The following FUT9 variants were observed in gnomAD, a reference collection of about 807,000 sequenced individuals.
FUT9 encodes the protein fucosyltransferase 9, also known as 4-galactosyl-N-acetylglucosaminide 3-alpha-L-fucosyltransferase 9.
FUT9 carries 15 observed loss-of-function variants against 29.7 expected under a neutral mutation model. That is an observed-to-expected ratio of 0.51 (90% CI 0.34 to 0.78). FUT9 has a LOEUF of 0.78. Among genes scored for constraint, FUT9 ranks in the 30% least tolerant of loss-of-function variants. The pLI is 0.01. For synonymous variants in FUT9, 169 were observed against 153.7 expected (o/e 1.10, Z -0.74); for missense variants, 319 against 425.4 (o/e 0.75, Z 2.20).
intron 1 of FUT9, among the ~76,000 whole-genome samples, chr6:96,021,987 A>AT (rs1176784276): frequency 6.6e-6 from 1 of 152,054 alleles, no homozygotes; most frequent in Non-Finnish European, 1.5e-5. Flanking sequence ...AGAGGGAAAA[A>AT]TATACCTCCT....
At chr6:96,052,303 ACATTTGAG>A (rs1257733180) in intron 1 of FUT9, among the ~76,000 whole-genome samples, 6 of 142,822 alleles carry the variant, frequency 4.2e-5, no homozygotes, top group African/African-American at 1.8e-4. Context: ...ATTCCAGGTG[ACATTTGAG>A]TGGTGACACA....
At chr6:96,104,435 C>T (rs948533489) in intron 1 of FUT9, among the ~76,000 whole-genome samples, 3 of 152,186 alleles carry the variant, frequency 2.0e-5, no homozygotes, top group Non-Finnish European at 4.4e-5. Flanking sequence ...ATTTGCCATA[C>T]ATGGTCCATA....
At chr6:96,138,410 T>A (rs1772400051) in intron 2 of FUT9, among the ~76,000 whole-genome samples, 1 of 152,032 alleles carries the variant, frequency 6.6e-6, no homozygotes, top group Non-Finnish European at 1.5e-5. Flanking sequence ...AAAGAAAAAT[T>A]ATGGCTTTCC....
At chr6:96,133,358 A>G (rs968463248) in intron 2 of FUT9, among the ~76,000 whole-genome samples, 3 of 151,980 alleles carry the variant, frequency 2.0e-5, no homozygotes, top group African/African-American at 7.2e-5. Flanking sequence ...AGCTAGGAGT[A>G]GAATACAGGG....
At position 96,079,585 on chromosome 6, in the gene FUT9, T is replaced by C. The variant is rs115739956; in HGVS notation, c.-97-34454T>C. The stretch of plus-strand genomic sequence containing the variant: ...TATCATTTTTAATGGAATATTGTTT[T>C]ATTAGTCTTCTCGATATTGGCATCA... On this transcript the variant is annotated intron_variant, in intron 1 of 2. Coordinates refer to ENST00000302103, the MANE Select transcript of FUT9 (RefSeq NM_006581.4). Among the ~76,000 whole-genome samples the C allele has an allele frequency of 3.9e-3, 587 of 152,320 alleles. 1 individual carries two copies. Among genetic ancestry groups the C allele is most frequent in the African/African-American group, 0.013 (558 of 41,582 alleles).
chr6:96,022,540 T>C (rs777080032), intron 1 of FUT9, among the ~76,000 whole-genome samples: 3 of 151,936 alleles, frequency 2.0e-5, no homozygotes, highest in Non-Finnish European at 2.9e-5. Context: ...GATCAAATCA[T>C]GGTCAGAGCT....
chr6:96,028,598 A>C (rs2127925258), intron 1 of FUT9, among the ~76,000 whole-genome samples: 1 of 151,732 alleles, frequency 6.6e-6, no homozygotes, highest in Admixed American at 6.6e-5. Context: ...TAATTCAATA[A>C]ATGTTACATC....
chr6:96,199,421 AG>A (rs1186194135), intron 2 of FUT9, among the ~76,000 whole-genome samples: 2 of 151,992 alleles, frequency 1.3e-5, no homozygotes, highest in Admixed American at 6.6e-5. Flanking sequence ...AATTGAGGGG[AG>A]GGGGTGAGCA....
chr6:96,031,049 C>T (rs1770251734), intron 1 of FUT9, among the ~76,000 whole-genome samples: 1 of 151,310 alleles, frequency 6.6e-6, no homozygotes, highest in Non-Finnish European at 1.5e-5. Context: ...TAGAACTTGC[C>T]ACTTTAAAAA....
At chr6:96,103,942 C>G (rs911750999) in intron 1 of FUT9, among the ~76,000 whole-genome samples, 10 of 152,080 alleles carry the variant, frequency 6.6e-5, no homozygotes, top group African/African-American at 2.4e-4. Flanking sequence ...TTCACAGGTA[C>G]CAGGGGTTAA....
At chr6:96,148,640 G>C (rs896707206) in intron 2 of FUT9, among the ~76,000 whole-genome samples, 1 of 152,140 alleles carries the variant, frequency 6.6e-6, no homozygotes, top group African/African-American at 2.4e-5. Flanking sequence ...ATTTTGTACT[G>C]CCTGAGGTTT....
At chr6:96,070,699 A>G (rs1771044941) in intron 1 of FUT9, among the ~76,000 whole-genome samples, 1 of 152,124 alleles carries the variant, frequency 6.6e-6, no homozygotes, top group Non-Finnish European at 1.5e-5. Context: ...AAAAAAATTA[A>G]TTAATTAATT....
intron 2 of FUT9, among the ~76,000 whole-genome samples, chr6:96,132,140 G>C (rs1772257111): frequency 6.6e-6 from 1 of 151,820 alleles, no homozygotes; most frequent in Non-Finnish European, 1.5e-5. Context: ...TACATCACTA[G>C]ATATTGGAAC....
chr6:96,145,032 T>G (rs774870931), intron 2 of FUT9, among the ~76,000 whole-genome samples: 16 of 152,080 alleles, frequency 1.1e-4, no homozygotes, highest in South Asian at 2.1e-4. Context: ...CTTTTTGTCT[T>G]ATTATTATTA....
intron 2 of FUT9, among the ~76,000 whole-genome samples, chr6:96,136,142 A>C (rs115451903): frequency 6.6e-6 from 1 of 151,630 alleles, no homozygotes; most frequent in Non-Finnish European, 1.5e-5. Flanking sequence ...AAATATATTG[A>C]TGGGGTATCA....
chr6:96,067,257 T>C (rs1770978543), intron 1 of FUT9, among the ~76,000 whole-genome samples: 3 of 151,722 alleles, frequency 2.0e-5, no homozygotes, highest in South Asian at 4.1e-4. Context: ...GTTTAGGTAA[T>C]AATAAGTAAT....
intron 1 of FUT9, among the ~76,000 whole-genome samples, chr6:96,110,711 G>T (rs182266924): frequency 1.8e-4 from 28 of 152,258 alleles, no homozygotes; most frequent in Non-Finnish European, 1.2e-4. Flanking sequence ...GCCAAGGCTG[G>T]AGTGCAGTGG....
intron 2 of FUT9, among the ~76,000 whole-genome samples, chr6:96,166,078 C>T (rs1215638066): frequency 6.6e-6 from 1 of 151,228 alleles, no homozygotes. Context: ...AGCATATAAT[C>T]TAAAATAAAA....
At chr6:96,101,481 G>A (rs534365469) in intron 1 of FUT9, among the ~76,000 whole-genome samples, 8 of 151,950 alleles carry the variant, frequency 5.3e-5, no homozygotes, top group Non-Finnish European at 8.8e-5. Flanking sequence ...CCTGGGAGGT[G>A]AAGGCTGCAG....
Sources: gnomAD v4.1 joint callset for allele counts (sites outside exome capture counted in the v4.1 genomes callset) on GRCh38, gnomAD v4.1.1 for gene constraint, MANE v1.5 for transcripts, NCBI Gene and HGNC (gene_info 2026-07-23, HGNC 2026-07-21) for gene names.